KATNIP: variants seen among roughly 807,000 people sequenced by gnomAD.
The protein encoded by KATNIP is katanin-interacting protein.
KATNIP carries 126 observed loss-of-function variants against 174.0 expected under a neutral mutation model. That is an observed-to-expected ratio of 0.72 (90% CI 0.63 to 0.84). The LOEUF is 0.84. Among genes scored for constraint, KATNIP ranks in the 40% least tolerant of loss-of-function variants. The pLI, the probability that KATNIP is intolerant of heterozygous loss-of-function variation, is 0.00. For missense variants in KATNIP, 1,958 were observed against 2,109.7 expected (o/e 0.93, Z 1.41); for synonymous variants, 810 against 835.7 (o/e 0.97, Z 0.53).
chr16:27,769,446 C>T (rs1334667792), intron 20 of KATNIP, among the ~76,000 whole-genome samples: 13 of 152,360 alleles, frequency 8.5e-5, no homozygotes, highest in East Asian at 1.9e-4. Context: ...CGTAGGTTAA[C>T]TCATGACCGT....
chr16:27,602,270 A>G (rs1459333345), intron 2 of KATNIP, among the ~76,000 whole-genome samples: 1 of 152,102 alleles, frequency 6.6e-6, no homozygotes, highest in East Asian at 1.9e-4. Context: ...CTTAAAATCC[A>G]GTTGAAAGGA....
intron 13 of KATNIP, among the ~76,000 whole-genome samples, chr16:27,715,575 G>GA (rs1225840191): frequency 1.3e-5 from 2 of 151,880 alleles, no homozygotes; most frequent in Non-Finnish European, 2.9e-5. Context: ...AATATACAAA[G>GA]AAAAAAACCG....
In KATNIP at chr16:27,776,342, T is replaced by C. The variant is rs948555072; in HGVS notation, c.4450-586T>C. On this transcript the variant is annotated intron_variant, in intron 24 of 27. Coordinates refer to ENST00000261588, the MANE Select transcript of KATNIP (RefSeq NM_015202.5). The surrounding 1 kb of genome is among the most constrained non-coding windows in gnomAD (Gnocchi z 4.7). ...CTCCCCTAATATCTGAGAGCTTTGG[T>C]TGGGGGTGGGGAGAGGGAGGGCTGT... 4.6e-5 allele frequency among the ~76,000 whole-genome samples: 7 copies of C among 151,980 alleles called. No homozygotes were observed. Among genetic ancestry groups the C allele is most frequent in the African/African-American group, 1.7e-4 (7 of 41,366 alleles).
intron 8 of KATNIP, among the ~76,000 whole-genome samples, chr16:27,692,897 G>A (rs749938033): frequency 1.3e-5 from 2 of 152,200 alleles, no homozygotes; most frequent in Non-Finnish European, 2.9e-5. Flanking sequence ...GCCTGGTAAC[G>A]AAGTACCTTT....
intron 19 of KATNIP, among the ~76,000 whole-genome samples, chr16:27,764,668 CTG>C (rs1026640384): frequency 3.9e-5 from 6 of 152,226 alleles, no homozygotes; most frequent in African/African-American, 1.4e-4. Flanking sequence ...TTGAGAGTGT[CTG>C]TGGAGTCTTC....
At chr16:27,687,112 C>T in intron 8 of KATNIP, 1 of 152,236 alleles carries the variant, frequency 6.6e-6, no homozygotes, top group East Asian at 1.9e-4. Flanking sequence ...AGACTGTAGC[C>T]TCTGAACCTG....
chr16:27,635,518 G>C (rs1303201992), intron 5 of KATNIP, among the ~76,000 whole-genome samples: 1 of 152,010 alleles, frequency 6.6e-6, no homozygotes, highest in Non-Finnish European at 1.5e-5. Context: ...TGAACTACAT[G>C]TGTCATGAAT....
At chr16:27,641,567 A>G (rs1480473502) in intron 5 of KATNIP, among the ~76,000 whole-genome samples, 1 of 152,162 alleles carries the variant, frequency 6.6e-6, no homozygotes, top group Admixed American at 6.5e-5. Flanking sequence ...CATCTCAAAA[A>G]GCGAAAACAG....
intron 2 of KATNIP, among the ~76,000 whole-genome samples, chr16:27,576,221 A>G (rs145146430): frequency 2.0e-5 from 3 of 152,116 alleles, no homozygotes; most frequent in Non-Finnish European, 4.4e-5. Context: ...GACTCCCCTA[A>G]TTGCTGCTTT....
intron 6 of KATNIP, among the ~76,000 whole-genome samples, chr16:27,663,436 G>GTTTATTTA (rs1184967128): frequency 1.3e-5 from 2 of 150,120 alleles, no homozygotes; most frequent in Non-Finnish European, 3.0e-5. Context: ...TTATTTATTT[G>GTTTATTTA]TTTATTTATT....
intron 9 of KATNIP, among the ~76,000 whole-genome samples, chr16:27,699,069 G>A (rs2079011107): frequency 6.6e-6 from 1 of 152,212 alleles, no homozygotes; most frequent in Admixed American, 6.5e-5. Flanking sequence ...ATAGCTTGGT[G>A]TGCACGTCCT....
chr16:27,648,713 A>T lies in KATNIP; in HGVS notation c.518A>T (p.Asn173Ile). 6.2e-7 allele frequency: 1 copy of T among 1,614,058 alleles called. No individual in the cohort carries two copies. The highest frequency in any genetic ancestry group is 8.5e-7 in the Non-Finnish European group (1 of 1,179,994). The change falls in exon 6 of 28, where the codon AAC (asparagine) becomes ATC (isoleucine). Residue 173 changes from asparagine (N) to isoleucine (I), a missense_variant. Transcript: ENST00000261588. The part of the protein sequence containing the change: ...LCGDVTLQAN[N>I]TSEDRPQELR... ...GGGGATGTGACTCTCCAGGCAAACA[A>T]CACTTCTGAGGATCGTCCGCAGGTA...
intron 20 of KATNIP, among the ~76,000 whole-genome samples, chr16:27,769,573 C>T (rs2082228669): frequency 6.6e-6 from 1 of 152,204 alleles, no homozygotes; most frequent in African/African-American, 2.4e-5. Flanking sequence ...TCATGCCGCC[C>T]CAGGCCGCTG....
Position 27,777,668 on chromosome 16 carries a change from T to TG in KATNIP, c.4616dup (p.Ile1540HisfsTer6). Reference sequence around the variant, plus strand: ...ATCCTGGCCATGGTGAGCCACCTGGTGGGGGGCATCCTGCCCACATGTGAG... The same window carrying TG: ...ATCCTGGCCATGGTGAGCCACCTGGTGGGGGGGCATCCTGCCCACATGTGAG... On this transcript the variant is annotated frameshift_variant, in exon 26 of 28. Transcript: ENST00000261588. LOFTEE classifies it high-confidence loss of function. This position sits in a 1 kb window ranked among gnomAD's most constrained non-coding sequence, Gnocchi z 4.4. 6.2e-7 allele frequency: 1 copy of TG among 1,613,862 alleles called. No individual in the cohort carries two copies. The highest frequency in any genetic ancestry group is 8.5e-7 in the Non-Finnish European group (1 of 1,179,908).
intron 10 of KATNIP, chr16:27,701,291 A>G (rs904922188): frequency 9.5e-6 from 2 of 209,754 alleles, no homozygotes; most frequent in Admixed American, 1.0e-4. Context: ...CCAAAATGCT[A>G]CAGTTACAAG....
At chr16:27,680,045 C>T (rs1267744299) in intron 7 of KATNIP, among the ~76,000 whole-genome samples, 3 of 152,124 alleles carry the variant, frequency 2.0e-5, no homozygotes, top group Middle Eastern at 3.2e-3. Context: ...TTGGGCCAGC[C>T]CTCCCCCGTG....
rs544390283 is a variant in KATNIP, at chr16:27,754,155, T to G, written c.3553-18T>G. ...TAAAACCACCCCCTTTTCCTCTGCT[T>G]CTCCAACCCATGTGCAGATCCCGGA... On this transcript the variant is annotated intron_variant, in intron 17 of 27. Transcript: ENST00000261588. 1 of 1,611,680 alleles carries G rather than the reference T, an allele frequency of 6.2e-7. No homozygotes were observed. Among genetic ancestry groups the G allele is most frequent in the South Asian group, 1.1e-5 (1 of 90,978 alleles).
At chr16:27,763,635 A>AG (rs1293479658) in intron 19 of KATNIP, among the ~76,000 whole-genome samples, 1 of 151,186 alleles carries the variant, frequency 6.6e-6, no homozygotes, top group Non-Finnish European at 1.5e-5. Flanking sequence ...AAAAAAAAAA[A>AG]AAAGAAAGAA....
chr16:27,762,512 T>C (rs2081988089), intron 19 of KATNIP, among the ~76,000 whole-genome samples: 1 of 152,074 alleles, frequency 6.6e-6, no homozygotes, highest in Non-Finnish European at 1.5e-5. Context: ...GGCAGAGTCA[T>C]GATTGGAACG....
Sources: gnomAD v4.1 joint callset for allele counts (sites outside exome capture counted in the v4.1 genomes callset) on GRCh38, gnomAD v4.1.1 for gene constraint, Gnocchi (gnomAD v3.1) non-coding constraint, MANE v1.5 for transcripts, NCBI Gene and HGNC (gene_info 2026-07-23, HGNC 2026-07-21) for gene names.